C1orf105: variants seen among roughly 807,000 people sequenced by gnomAD.
The protein encoded by C1orf105 is chromosome 1 open reading frame 105.
A neutral mutation model predicts 20.8 loss-of-function variants in C1orf105; 17 were observed. The observed-to-expected ratio is 0.82, with a 90% CI of 0.56 to 1.23. The LOEUF is 1.23. C1orf105 is among the 50% of genes most tolerant of loss of function. The pLI is 0.00. For missense variants in C1orf105, 219 were observed against 213.5 expected, an observed-to-expected ratio of 1.03 and a Z score of -0.16; for synonymous variants, 72 against 72.1, an observed-to-expected ratio of 1.00 and a Z score of 0.01.
chr1:172,466,750 A>AT (rs1412600999), intron 6 of C1orf105, among the ~76,000 whole-genome samples: 1 of 152,158 alleles, frequency 6.6e-6, no homozygotes, highest in Non-Finnish European at 1.5e-5. Context: ...TAAGAGCTAG[A>AT]TTTTGTGTGC....
Position 172,445,098 on chromosome 1 carries a change from T to C in C1orf105, c.47T>C (p.Ile16Thr). 6.2e-7 allele frequency: 1 copy of C among 1,613,698 alleles called. No individual in the cohort carries two copies. The highest frequency in any genetic ancestry group is 8.5e-7 in the Non-Finnish European group (1 of 1,179,802). ...LKASVPKFDK[I>T]PWLSEASLVN... ...GCTTCTGTTCCAAAATTTGACAAGA[T>C]TCCTTGGCTTAGTGAGGCCAGCCTT... The change falls in exon 2 of 7, where the codon ATT becomes ACT. Residue 16 changes from isoleucine to threonine, a missense_variant. Coordinates refer to ENST00000367727, the MANE Select transcript of C1orf105 (RefSeq NM_139240.4).
rs1354850563 is a variant in C1orf105, at chr1:172,468,493, G to A, written c.451G>A (p.Val151Ile). 1.2e-6 allele frequency: 2 copies of A among 1,613,954 alleles called. No homozygotes were observed. The highest frequency in any genetic ancestry group is 4.5e-5 in the East Asian group (2 of 44,880). ...RLPILGPRTA[V>I]FHGLLTEAYK... The stretch of plus-strand genomic sequence containing the variant: ...GCCCATTCTGGGCCCCAGGACAGCT[G>A]TCTTCCACGGATTACTGACAGAGGC... The change falls in exon 7 of 7, where the codon GTC (valine) becomes ATC (isoleucine). Residue 151 changes from valine to isoleucine, a missense_variant. Physicochemically the swap from Val to Ile is conservative, Grantham distance 29 (BLOSUM62 3). Transcript: ENST00000367727.
chr1:172,443,821 A>C, intron 1 of C1orf105: 5 of 297,712 alleles, frequency 1.7e-5, no homozygotes, highest in Non-Finnish European at 2.7e-5. Flanking sequence ...GGGACGGGGT[A>C]GGGTAGGGTG....
At chr1:172,428,360 C>CA (rs2071776913) in intron 1 of C1orf105, among the ~76,000 whole-genome samples, 1 of 152,182 alleles carries the variant, frequency 6.6e-6, no homozygotes, top group South Asian at 2.1e-4. Flanking sequence ...CTCCATGACC[C>CA]TCCAATGGCT....
intron 1 of C1orf105, among the ~76,000 whole-genome samples, chr1:172,441,172 T>C (rs1463189416): frequency 6.6e-6 from 1 of 152,234 alleles, no homozygotes; most frequent in East Asian, 1.9e-4. Context: ...CACACTCTGC[T>C]TTGCAATTAG....
intron 1 of C1orf105, among the ~76,000 whole-genome samples, chr1:172,432,668 G>A (rs1405286911): frequency 6.6e-6 from 1 of 152,216 alleles, no homozygotes; most frequent in Non-Finnish European, 1.5e-5. Context: ...AGAAACCAGA[G>A]AAGAAAAGCT....
At position 172,448,420 on chromosome 1, in the gene C1orf105, T is replaced by C. The variant is rs112854516; in HGVS notation, c.108-21T>C. On this transcript the variant is annotated intron_variant, in intron 2 of 6. Transcript: ENST00000367727. ...AAACATGGGACTGCGGTTCTAACGT[T>C]CTCTTGTTTTAATTACTTAGATATC... 6.7e-5 allele frequency: 103 copies of C among 1,535,860 alleles called. 1 individual carries two copies. In the African/African-American group the frequency reaches 9.9e-4, roughly 15 times the overall value.
At chr1:172,448,828 T>A (rs1223117827) in intron 3 of C1orf105, among the ~76,000 whole-genome samples, 1 of 152,180 alleles carries the variant, frequency 6.6e-6, no homozygotes, top group African/African-American at 2.4e-5. Flanking sequence ...TATCAGCCTG[T>A]GACTGGAACC....
chr1:172,442,326 C>A (rs747021702), intron 1 of C1orf105: 1 of 1,613,252 alleles, frequency 6.2e-7, no homozygotes, highest in South Asian at 1.1e-5. Context: ...TGAGATCAAA[C>A]AAAACATACC....
intron 1 of C1orf105, among the ~76,000 whole-genome samples, chr1:172,437,691 A>T (rs1457423661): frequency 6.6e-6 from 1 of 151,202 alleles, no homozygotes; most frequent in Non-Finnish European, 1.5e-5. Flanking sequence ...TATGTAACAA[A>T]CCTGCACATT....
At chr1:172,466,049 T>A (rs1374300351) in intron 6 of C1orf105, among the ~76,000 whole-genome samples, 2 of 152,232 alleles carry the variant, frequency 1.3e-5, no homozygotes, top group South Asian at 4.1e-4. Flanking sequence ...TGAATTTTTC[T>A]CTCATTTGAT....
intron 6 of C1orf105, 129 bp from the exon 7 acceptor site, chr1:172,468,320 A>C: frequency 2.9e-6 from 2 of 682,396 alleles, no homozygotes; most frequent in Non-Finnish European, 4.4e-6. Flanking sequence ...AAATCAAATT[A>C]TTAGGTGAAT....
At chr1:172,452,558 G>A (rs1648769794) in intron 3 of C1orf105, among the ~76,000 whole-genome samples, 1 of 152,214 alleles carries the variant, frequency 6.6e-6, no homozygotes, top group African/African-American at 2.4e-5. Context: ...AGAGTAGAGG[G>A]AGAGGGAGAT....
At chr1:172,445,306 G>C in intron 2 of C1orf105, 148 bp downstream of exon 2, 1 of 704,676 alleles carries the variant, frequency 1.4e-6, no homozygotes, top group Non-Finnish European at 2.3e-6. Flanking sequence ...AATAATCCGG[G>C]TTTCTCAGAA....
At chr1:172,421,346 T>G (rs1573816352) in intron 1 of C1orf105, among the ~76,000 whole-genome samples, 1 of 152,174 alleles carries the variant, frequency 6.6e-6, no homozygotes, top group African/African-American at 2.4e-5. Context: ...TGTATAGACT[T>G]TTATAATTAC....
intron 1 of C1orf105, chr1:172,444,328 G>A: frequency 1.0e-6 from 1 of 983,446 alleles, no homozygotes; most frequent in Non-Finnish European, 1.2e-6. Context: ...GCCAGTAGGT[G>A]AGAGATAATG....
At chr1:172,421,680 A>T (rs977449487) in intron 1 of C1orf105, among the ~76,000 whole-genome samples, 25 of 152,164 alleles carry the variant, frequency 1.6e-4, no homozygotes, top group African/African-American at 6.0e-4. Context: ...CTTCATAAGA[A>T]CCAAAAATCA....
chr1:172,427,274 C>T (rs901115312), intron 1 of C1orf105, among the ~76,000 whole-genome samples: 7 of 152,194 alleles, frequency 4.6e-5, no homozygotes, highest in African/African-American at 1.7e-4. Flanking sequence ...CTCACTTGTT[C>T]CCATAGATCA....
chr1:172,440,680 T>C (rs2149167819), intron 1 of C1orf105, among the ~76,000 whole-genome samples: 1 of 152,262 alleles, frequency 6.6e-6, no homozygotes, highest in African/African-American at 2.4e-5. Context: ...TGAATGGCCA[T>C]CAAATATTGT....
Sources: allele counts gnomAD v4.1 joint callset (sites outside exome capture counted in the v4.1 genomes callset), GRCh38; gene constraint gnomAD v4.1.1; transcripts MANE v1.5; gene names NCBI Gene and HGNC (gene_info 2026-07-23, HGNC 2026-07-21).